The following PCDHGA8 variants were observed in gnomAD, a reference collection of about 807,000 sequenced individuals.
The protein encoded by PCDHGA8 is protocadherin gamma-A8.
A neutral mutation model predicts 59.2 loss-of-function variants in PCDHGA8; 45 were observed. The ratio of observed to expected loss-of-function variants is 0.76; its 90% CI spans 0.60 to 0.98. The LOEUF is 0.98. PCDHGA8 is among the 50% of genes least tolerant of loss of function. The probability of loss-of-function intolerance (pLI) is 0.00; values close to 1 mark genes in which losing one functional copy is unlikely to be tolerated. For synonymous variants in PCDHGA8, 531 were observed against 519.0 expected (o/e 1.02, Z -0.32); for missense variants, 1,257 against 1,196.2 (o/e 1.05, Z -0.75).
chr5:141,431,770 T>A lies in PCDHGA8; in HGVS notation c.2424+36533T>A, dbSNP rs748816389. 7 of 1,614,086 alleles carry A rather than the reference T, an allele frequency of 4.3e-6. No homozygotes were observed. The highest frequency in any genetic ancestry group is 1.3e-5 in the African/African-American group (1 of 74,938). ...CGCGAGCCAAAGTCCTGATCACTGT[T>A]CTGGACGTGAACGACAATGCCCCAG... On this transcript the variant is annotated intron_variant, in intron 1 of 3. Coordinates refer to ENST00000398604, the MANE Select transcript of PCDHGA8 (RefSeq NM_032088.2). This position sits in a 1 kb window ranked among gnomAD's most constrained non-coding sequence, Gnocchi z 4.8.
At chr5:141,505,579 G>A (rs1047837546) in intron 3 of PCDHGA8, 98 bp downstream of exon 3, 6 of 1,588,858 alleles carry the variant, frequency 3.8e-6, no homozygotes, top group Non-Finnish European at 4.3e-6. Flanking sequence ...TCAAACCTGT[G>A]TAGTTTCTCC....
At chr5:141,461,242 T>G (rs1246270739) in intron 1 of PCDHGA8, among the ~76,000 whole-genome samples, 1 of 152,170 alleles carries the variant, frequency 6.6e-6, no homozygotes, top group Non-Finnish European at 1.5e-5. Context: ...TGTACTAATT[T>G]ATATTCCCAG....
Position 141,486,970 on chromosome 5 carries a change from T to G in PCDHGA8, c.2425-7837T>G, listed in dbSNP as rs754309905. 1 of 1,614,050 alleles carries G rather than the reference T, an allele frequency of 6.2e-7. No individual in the cohort carries two copies. Among genetic ancestry groups the G allele is most frequent in the African/African-American group, 1.3e-5 (1 of 74,904 alleles). ...CAAAGGTGACTGCTGTGGACTTGGATTCAGGTTACAATGCTTGGGTTTCCT... is the reference window on the plus strand; with the variant it reads ...CAAAGGTGACTGCTGTGGACTTGGAGTCAGGTTACAATGCTTGGGTTTCCT... On this transcript the variant is annotated intron_variant, in intron 1 of 3. Coordinates refer to ENST00000398604, the MANE Select transcript of PCDHGA8 (RefSeq NM_032088.2). This position sits in a 1 kb window ranked among gnomAD's most constrained non-coding sequence, Gnocchi z 5.0.
intron 1 of PCDHGA8, chr5:141,403,257 G>A: frequency 6.2e-7 from 1 of 1,613,902 alleles, no homozygotes; most frequent in Non-Finnish European, 8.5e-7. Flanking sequence ...AGCCCGCGGT[G>A]TCTGGTGAAC....
chr5:141,438,591 CATATATATATAT>C lies in PCDHGA8; in HGVS notation c.2424+43388_2424+43399del, dbSNP rs946798767. ...TCTGATATACATACATACATACATACATATATATATATATATATATATATATATATATATATA... is the reference window on the plus strand; with the variant it reads ...TCTGATATACATACATACATACATACATATATATATATATATATATATATA... On this transcript the variant is annotated intron_variant, in intron 1 of 3. Coordinates refer to ENST00000398604, the MANE Select transcript of PCDHGA8 (RefSeq NM_032088.2). Among the ~76,000 whole-genome samples the C allele has an allele frequency of 1.5e-4, 11 of 75,568 alleles. No homozygotes were observed. The East Asian group carries it at 2.8e-3, about 19-fold the overall frequency. The allele number at this position is 75,568 out of a possible 152,430, so 49.6% of individuals were successfully genotyped here.
chr5:141,419,905 T>G (rs916259620), intron 1 of PCDHGA8: 23 of 1,613,978 alleles, frequency 1.4e-5, no homozygotes, highest in Non-Finnish European at 1.9e-5. Context: ...CCACACCCTC[T>G]GACTCCCAGG....
intron 1 of PCDHGA8, chr5:141,433,070 C>T: frequency 6.2e-7 from 1 of 1,614,174 alleles, no homozygotes; most frequent in Non-Finnish European, 8.5e-7. Flanking sequence ...CCTGATCTTC[C>T]CCCAGCCCAA....
intron 1 of PCDHGA8, among the ~76,000 whole-genome samples, chr5:141,473,922 A>T (rs1025156251): frequency 2.0e-5 from 3 of 152,182 alleles, no homozygotes; most frequent in South Asian, 2.1e-4. Flanking sequence ...GAAAACTATG[A>T]GCTGGGTGCA....
intron 1 of PCDHGA8, chr5:141,420,307 A>G (rs2096487660): frequency 1.5e-5 from 22 of 1,459,622 alleles, no homozygotes; most frequent in Non-Finnish European, 1.8e-5. Flanking sequence ...AATCCTTTTT[A>G]TATTACAATA....
In PCDHGA8 at chr5:141,476,316, G is replaced by A. The variant is rs536532455; in HGVS notation, c.2425-18491G>A. On this transcript the variant is annotated intron_variant, in intron 1 of 3. Coordinates refer to ENST00000398604, the MANE Select transcript of PCDHGA8 (RefSeq NM_032088.2). This position sits in a 1 kb window ranked among gnomAD's most constrained non-coding sequence, Gnocchi z 7.6. ...GGTAGCCTCTCAGCCCGCAGGTTCC[G>A]GGTGGTGTCTGGAGCTAGCCGAAGA... is the stretch of plus-strand genomic sequence containing the variant. The A allele has an allele frequency of 6.2e-7, 1 of 1,614,176 alleles. No individual in the cohort carries two copies. The highest frequency in any genetic ancestry group is 1.7e-5 in the Admixed American group (1 of 60,028).
chr5:141,501,314 C>G, intron 2 of PCDHGA8, among the ~76,000 whole-genome samples: 1 of 151,728 alleles, frequency 6.6e-6, no homozygotes, highest in Non-Finnish European at 1.5e-5. Flanking sequence ...CACACACACA[C>G]ACACACACAC....
Position 141,394,064 on chromosome 5 carries a change from C to G in PCDHGA8, c.1251C>G (p.Ile417Met). 7 of 1,613,776 alleles carry G rather than the reference C, an allele frequency of 4.3e-6. No homozygotes were observed. Among genetic ancestry groups the G allele is most frequent in the Non-Finnish European group, 5.9e-6 (7 of 1,179,788 alleles). Residue 417 changes from isoleucine (I) to methionine (M), a missense_variant, in exon 1 of 4, where the codon ATC (isoleucine) becomes ATG (methionine). By Grantham distance (10) the Ile-to-Met change is conservative. Coordinates refer to ENST00000398604, the MANE Select transcript of PCDHGA8 (RefSeq NM_032088.2). Reference sequence around the variant, plus strand: ...ATTTGGACCGAGAAAATGTCTCTATCTACAATATCACAGTGATGGCCTCAG... The same window carrying G: ...ATTTGGACCGAGAAAATGTCTCTATGTACAATATCACAGTGATGGCCTCAG... ...RKYLDRENVS[I>M]YNITVMASDL...
Position 141,432,701 on chromosome 5 carries a change from G to A in PCDHGA8, c.2424+37464G>A, listed in dbSNP as rs200101512. ...GCAGAGCCTCGTAGTGGCCGTCCAG[G>A]ACCACGGCCAGCCCCCTCTCTCCGC... On this transcript the variant is annotated intron_variant, in intron 1 of 3. Coordinates refer to ENST00000398604, the MANE Select transcript of PCDHGA8 (RefSeq NM_032088.2). This position sits in a 1 kb window ranked among gnomAD's most constrained non-coding sequence, Gnocchi z 6.0. The A allele has an allele frequency of 2.7e-5, 44 of 1,613,842 alleles. No homozygotes were observed. The Admixed American group carries it at 5.3e-4, about 20-fold the overall frequency.
intron 1 of PCDHGA8, chr5:141,441,986 C>G (rs2098288559): frequency 7.4e-6 from 2 of 269,216 alleles, no homozygotes; most frequent in Non-Finnish European, 1.5e-5. Flanking sequence ...GAATGCGCAC[C>G]GACGAGGTGC....
intron 1 of PCDHGA8, among the ~76,000 whole-genome samples, chr5:141,462,688 A>G (rs919098530): frequency 3.9e-5 from 6 of 152,126 alleles, no homozygotes; most frequent in African/African-American, 1.4e-4. Flanking sequence ...TTTTGAGCAC[A>G]TTTATAATGG....
In PCDHGA8 at chr5:141,491,556, C is replaced by T. The variant is rs2099720720; in HGVS notation, c.2425-3251C>T. The T allele has an allele frequency of 1.2e-6, 2 of 1,613,848 alleles. No homozygotes were observed. The highest frequency in any genetic ancestry group is 1.7e-5 in the Admixed American group (1 of 60,000). ...TGCGGCCCACAGACTCGCAGAGCCA[C>T]TGCTACAGGACGTGCTTTTCACCGG... On this transcript the variant is annotated intron_variant, in intron 1 of 3. Transcript: ENST00000398604. The surrounding 1 kb of genome is among the most constrained non-coding windows in gnomAD (Gnocchi z 6.9).
intron 1 of PCDHGA8, chr5:141,426,876 C>G (rs796453479): frequency 2.2e-6 from 1 of 456,726 alleles, no homozygotes; most frequent in Admixed American, 2.3e-5. Flanking sequence ...GGAGAAGCCC[C>G]TGGGCCAGGA....
chr5:141,470,768 G>T (rs2099239559), intron 1 of PCDHGA8, among the ~76,000 whole-genome samples: 1 of 152,142 alleles, frequency 6.6e-6, no homozygotes, highest in South Asian at 2.1e-4. Context: ...ACTCACTACA[G>T]TCTTGAATTC....
Position 141,399,560 on chromosome 5 carries a change from G to A in PCDHGA8, c.2424+4323G>A, listed in dbSNP as rs1354621756. The A allele has an allele frequency of 6.8e-6, 11 of 1,613,906 alleles. No homozygotes were observed. The Admixed American group carries it at 1.3e-4, about 20-fold the overall frequency. ...GTCTGCGCCTCGGACCTGGACTTGG[G>A]GTTGAACGGCCAAGTCTCCTACTCT... is the stretch of plus-strand genomic sequence containing the variant. On this transcript the variant is annotated intron_variant, in intron 1 of 3. Coordinates refer to ENST00000398604, the MANE Select transcript of PCDHGA8 (RefSeq NM_032088.2).
Sources: allele counts gnomAD v4.1 joint callset (sites outside exome capture counted in the v4.1 genomes callset), GRCh38; gene constraint gnomAD v4.1.1; non-coding constraint Gnocchi (gnomAD v3.1); transcripts MANE v1.5; gene names NCBI Gene and HGNC (gene_info 2026-07-23, HGNC 2026-07-21).